The following ZNF710 variants were observed in gnomAD, a reference collection of about 807,000 sequenced individuals.
ZNF710 encodes zinc finger protein 710.
Under a neutral mutation model 50.6 loss-of-function variants are expected in ZNF710, and 13 were observed. That is an observed-to-expected ratio of 0.26 (90% confidence interval 0.17 to 0.41). The LOEUF (loss-of-function observed/expected upper bound fraction) is 0.41. ZNF710 is among the 10% of genes least tolerant of loss of function. The probability of loss-of-function intolerance (pLI) is 1.00; values close to 1 mark genes in which losing one functional copy is unlikely to be tolerated. For synonymous variants in ZNF710, 383 were observed against 397.0 expected (o/e 0.96, Z 0.42); for missense variants, 721 against 936.6 (o/e 0.77, Z 3.01).
chr15:90,030,935 C>T (rs940961797), intron 1 of ZNF710, among the ~76,000 whole-genome samples: 8 of 145,624 alleles, frequency 5.5e-5, no homozygotes, highest in Non-Finnish European at 1.2e-4. Flanking sequence ...AGGAGAATGG[C>T]GTGAACCCGG....
chr15:90,018,965 TCTTC>T (rs1217431621), intron 1 of ZNF710, among the ~76,000 whole-genome samples: 1 of 151,706 alleles, frequency 6.6e-6, no homozygotes, highest in Non-Finnish European at 1.5e-5. Context: ...ATCTTGTATC[TCTTC>T]CTTTTGTTTT....
Position 90,067,439 on chromosome 15 carries a change from C to T in ZNF710, c.302C>T (p.Pro101Leu). 1.2e-6 allele frequency: 2 copies of T among 1,609,370 alleles called. No individual in the cohort carries two copies. The highest frequency in any genetic ancestry group is 1.7e-6 in the Non-Finnish European group (2 of 1,177,670). ...AAGCACACCCGGCGGAAGACGCGGC[C>T]ACCTGTGCGGTTGGTGCCCAAGGTC... is the stretch of plus-strand genomic sequence containing the variant. The part of the protein sequence containing the change: ...CEKHTRRKTR[P>L]PVRLVPKVKF... The change falls in exon 2 of 5, where the codon CCA (proline) becomes CTA (leucine). Residue 101 changes from proline to leucine, a missense_variant. Coordinates refer to ENST00000268154, the MANE Select transcript of ZNF710 (RefSeq NM_198526.4). This position sits in a 1 kb window ranked among gnomAD's most constrained non-coding sequence, Gnocchi z 8.1.
Position 90,068,730 on chromosome 15 carries a change from T to A in ZNF710, c.1458+135T>A. On this transcript the variant is annotated intron_variant, in intron 2 of 4. Transcript: ENST00000268154. This position sits in a 1 kb window ranked among gnomAD's most constrained non-coding sequence, Gnocchi z 5.0. Reference sequence around the variant, plus strand: ...CGTTACGTACTTATTTTGATGAGTATTAGAAATCAATTAGTATTAGAAACT... The same window carrying A: ...CGTTACGTACTTATTTTGATGAGTAATAGAAATCAATTAGTATTAGAAACT... 2 of 1,018,380 alleles carry A rather than the reference T, an allele frequency of 2.0e-6. No homozygotes were observed. Among genetic ancestry groups the A allele is most frequent in the Non-Finnish European group, 2.8e-6 (2 of 709,832 alleles). The allele number at this position is 1,018,380 out of a possible 1,614,324, so 63.1% of individuals were successfully genotyped here. A position where few individuals can be genotyped will look rare whatever the true frequency, so the allele number is the denominator to read the frequency against.
Position 90,074,175 on chromosome 15 carries a change from C to T in ZNF710, c.1710C>T (p.Ala570=), listed in dbSNP as rs545981477. The T allele has an allele frequency of 1.3e-5, 21 of 1,613,138 alleles. No individual in the cohort carries two copies. The highest frequency in any genetic ancestry group is 4.0e-5 in the African/African-American group (3 of 74,942). ...TGCTGGGCCACATGCACCTGCACGC[C>T]GGCAGCAAGCCCTTCAAGTGCCCCT... ...YNLLGHMHLH[A]GSKPFKCPYC... Residue 570 remains alanine, a synonymous_variant, in exon 4 of 5, where the codon GCC becomes GCT. Transcript: ENST00000268154.
intron 1 of ZNF710, among the ~76,000 whole-genome samples, chr15:90,066,442 A>AT (rs1900169944): frequency 8.6e-6 from 1 of 116,864 alleles, no homozygotes; most frequent in African/African-American, 3.0e-5. Context: ...TGGAATCTTT[A>AT]TTTTTTGCAT....
intron 1 of ZNF710, among the ~76,000 whole-genome samples, chr15:90,050,073 C>T (rs917121399): frequency 3.3e-5 from 5 of 152,250 alleles, no homozygotes; most frequent in Non-Finnish European, 7.3e-5. Flanking sequence ...CTGATGTCTG[C>T]GTGTGTACGC....
rs1322864368 is a variant in ZNF710, at chr15:90,067,754, T to G, written c.617T>G (p.Leu206Arg). Residue 206 changes from leucine to arginine, a missense_variant, in exon 2 of 5, where the codon CTG (leucine) becomes CGG (arginine). Physicochemically the swap from Leu to Arg is moderately radical, Grantham distance 102 (BLOSUM62 -2). Transcript: ENST00000268154. The surrounding 1 kb of genome is among the most constrained non-coding windows in gnomAD (Gnocchi z 8.1). ...RDGFPEPSMA[L>R]PGPEALPTEC... ...GGCTTCCCCGAGCCCAGCATGGCGC[T>G]GCCTGGGCCAGAGGCCTTGCCCACA... The G allele has an allele frequency of 2.5e-6, 4 of 1,592,764 alleles. No homozygotes were observed. Among genetic ancestry groups the G allele is most frequent in the Non-Finnish European group, 3.4e-6 (4 of 1,170,530 alleles).
chr15:90,054,427 G>A (rs1291672127), intron 1 of ZNF710, among the ~76,000 whole-genome samples: 1 of 152,202 alleles, frequency 6.6e-6, no homozygotes, highest in African/African-American at 2.4e-5. Flanking sequence ...GGTTGGCAGG[G>A]GAGGAAGACA....
chr15:90,047,038 C>T (rs1345388550), intron 1 of ZNF710, among the ~76,000 whole-genome samples: 1 of 152,228 alleles, frequency 6.6e-6, no homozygotes, highest in Admixed American at 6.5e-5. Context: ...CCAGTTTGGG[C>T]AAGAACGTCT....
intron 2 of ZNF710, among the ~76,000 whole-genome samples, chr15:90,072,333 C>A (rs1452006893): frequency 1.3e-5 from 2 of 152,172 alleles, no homozygotes; most frequent in African/African-American, 4.8e-5. Context: ...AATTCCTGGG[C>A]CCATCCCAGG....
At position 90,059,327 on chromosome 15, in the gene ZNF710, T is replaced by A. The variant is rs1386377451; in HGVS notation, c.-28-7783T>A. 6.6e-6 allele frequency among the ~76,000 whole-genome samples: 1 copy of A among 152,126 alleles called. No homozygotes were observed. Among genetic ancestry groups the A allele is most frequent in the African/African-American group, 2.4e-5 (1 of 41,422 alleles). On this transcript the variant is annotated intron_variant, in intron 1 of 4. Coordinates refer to ENST00000268154, the MANE Select transcript of ZNF710 (RefSeq NM_198526.4). This position sits in a 1 kb window ranked among gnomAD's most constrained non-coding sequence, Gnocchi z 4.1. ...AGCAAATGAAGGCATGGGCAGTGCA[T>A]CCCGCCTACCAAAAGGCTGTGGGGG...
At chr15:90,009,700 C>T (rs1007029175) in intron 1 of ZNF710, among the ~76,000 whole-genome samples, 15 of 152,112 alleles carry the variant, frequency 9.9e-5, no homozygotes, top group Non-Finnish European at 2.2e-4. Flanking sequence ...CCTCTCTCTC[C>T]CTCCCCAACC....
At chr15:90,055,559 T>C (rs928283997) in intron 1 of ZNF710, among the ~76,000 whole-genome samples, 4 of 152,178 alleles carry the variant, frequency 2.6e-5, no homozygotes, top group African/African-American at 9.7e-5. Flanking sequence ...CGTGACCGAT[T>C]GGTACAAGCA....
Position 90,079,948 on chromosome 15 carries a change from C to T in ZNF710, c.*119C>T. The T allele has an allele frequency of 2.0e-6, 2 of 992,464 alleles. No homozygotes were observed. The highest frequency in any genetic ancestry group is 2.0e-5 in the South Asian group (1 of 50,558). 61.5% of individuals were successfully genotyped at this position (992,464 alleles called of 1,614,324 possible). ...AGCTACTGCCCCACTGTTCTGAGCC[C>T]TCCCTCCCCGAGTCATTTGCACCAC... On this transcript the variant is annotated 3_prime_UTR_variant, in exon 5 of 5. Coordinates refer to ENST00000268154, the MANE Select transcript of ZNF710 (RefSeq NM_198526.4).
chr15:90,041,605 T>C (rs747197476), intron 1 of ZNF710, among the ~76,000 whole-genome samples: 1 of 152,206 alleles, frequency 6.6e-6, no homozygotes, highest in Non-Finnish European at 1.5e-5. Context: ...ACCTCCAGCC[T>C]CTCTAAGTCT....
rs79353742 is a variant in ZNF710, at chr15:90,004,492, G to A, written c.-29+2878G>A. On this transcript the variant is annotated intron_variant, in intron 1 of 4. Coordinates refer to ENST00000268154, the MANE Select transcript of ZNF710 (RefSeq NM_198526.4). ...CAGGCCTAGCCAGGGCCTAGCCCGC[G>A]GCAGGACTCATTATGTTGAAATAAG... Among the ~76,000 whole-genome samples, 403 of 152,310 alleles carry A rather than the reference G, an allele frequency of 2.6e-3. 2 individuals are homozygous for A. The highest frequency in any genetic ancestry group is 4.6e-3 in the Non-Finnish European group (311 of 68,028).
At chr15:90,069,948 T>C (rs555679670) in intron 2 of ZNF710, among the ~76,000 whole-genome samples, 1 of 152,178 alleles carries the variant, frequency 6.6e-6, no homozygotes, top group African/African-American at 2.4e-5. Flanking sequence ...GGTACTTGGC[T>C]GCCCCATGGT....
Position 90,068,615 on chromosome 15 carries a change from C to T in ZNF710, c.1458+20C>T. The T allele has an allele frequency of 1.3e-6, 2 of 1,559,464 alleles. No homozygotes were observed. The highest frequency in any genetic ancestry group is 1.7e-6 in the Non-Finnish European group (2 of 1,153,720). On this transcript the variant is annotated intron_variant, in intron 2 of 4. Transcript: ENST00000268154. This position sits in a 1 kb window ranked among gnomAD's most constrained non-coding sequence, Gnocchi z 5.0. ...CACAAGGTAAGGCCGTTCCCAGGGC[C>T]TGGGCATCTGCCTGCCCCTCCTGCC...
chr15:90,017,286 T>G (rs1299627241), intron 1 of ZNF710, among the ~76,000 whole-genome samples: 2 of 152,214 alleles, frequency 1.3e-5, no homozygotes, highest in East Asian at 3.8e-4. Flanking sequence ...TGTGCTGTTT[T>G]TCAAAGTAGG....
Sources: gnomAD v4.1 joint callset for allele counts (sites outside exome capture counted in the v4.1 genomes callset) on GRCh38, gnomAD v4.1.1 for gene constraint, Gnocchi (gnomAD v3.1) non-coding constraint, MANE v1.5 for transcripts, NCBI Gene and HGNC (gene_info 2026-07-23, HGNC 2026-07-21) for gene names.